CADPS: variants seen among roughly 807,000 people sequenced by gnomAD.
CADPS encodes calcium-dependent secretion activator 1.
In CADPS, 57 loss-of-function variants were observed where a neutral mutation model predicts 167.3. The observed-to-expected ratio is 0.34, with a 90% CI of 0.28 to 0.42. CADPS has a LOEUF of 0.42. CADPS is among the 20% of genes least tolerant of loss of function. The probability of loss-of-function intolerance (pLI) is 1.00; values close to 1 mark genes in which losing one functional copy is unlikely to be tolerated. For missense variants in CADPS, 1,414 were observed against 1,738.1 expected (o/e 0.81, Z 3.32); for synonymous variants, 676 against 635.3 (o/e 1.06, Z -0.96).
intron 14 of CADPS, 78 bp from the exon 15 acceptor site, chr3:62,516,721 G>A (rs1169546383): frequency 2.0e-6 from 2 of 1,006,310 alleles, no homozygotes; most frequent in Non-Finnish European, 3.1e-6. Flanking sequence ...GATTCCTATA[G>A]CAACTCTCTC....
intron 28 of CADPS, among the ~76,000 whole-genome samples, chr3:62,424,412 T>C (rs1246121007): frequency 6.6e-6 from 1 of 152,140 alleles, no homozygotes; most frequent in Non-Finnish European, 1.5e-5. Flanking sequence ...CTCGATCTCC[T>C]GACCTCGTGA....
chr3:62,574,794 T>G (rs2081969363), intron 8 of CADPS, among the ~76,000 whole-genome samples: 1 of 152,196 alleles, frequency 6.6e-6, no homozygotes, highest in Non-Finnish European at 1.5e-5. Flanking sequence ...TTGTGAGGAT[T>G]AAACGAGACA....
At chr3:62,427,591 A>G (rs1391945881) in intron 28 of CADPS, among the ~76,000 whole-genome samples, 1 of 152,068 alleles carries the variant, frequency 6.6e-6, no homozygotes, top group Admixed American at 6.5e-5. Flanking sequence ...CCCGAGTTGT[A>G]GCAACCAGGA....
intron 6 of CADPS, among the ~76,000 whole-genome samples, chr3:62,592,951 A>G (rs1276707894): frequency 6.6e-6 from 1 of 152,262 alleles, no homozygotes; most frequent in South Asian, 2.1e-4. Flanking sequence ...ATGCTCAGAA[A>G]GTTGCCATGG....
chr3:62,679,224 G>T (rs1476896013), intron 3 of CADPS, among the ~76,000 whole-genome samples: 2 of 152,046 alleles, frequency 1.3e-5, no homozygotes, highest in Non-Finnish European at 2.9e-5. Flanking sequence ...CCGCTGGAGT[G>T]GGGTACTTGT....
At chr3:62,501,972 G>A (rs2151333339) in intron 17 of CADPS, among the ~76,000 whole-genome samples, 1 of 152,300 alleles carries the variant, frequency 6.6e-6, no homozygotes, top group South Asian at 2.1e-4. Flanking sequence ...AAAACCCTTT[G>A]CAATTTTACT....
chr3:62,451,722 T>C (rs2058081450), intron 26 of CADPS, among the ~76,000 whole-genome samples: 1 of 152,178 alleles, frequency 6.6e-6, no homozygotes, highest in Non-Finnish European at 1.5e-5. Context: ...GTCCTTTGCC[T>C]AGATACTGCA....
Position 62,613,913 on chromosome 3 carries a change from A to C in CADPS, c.1326-21165T>G, listed in dbSNP as rs1442407564. Among the ~76,000 whole-genome samples the C allele has an allele frequency of 3.9e-5, 6 of 152,108 alleles. No individual in the cohort carries two copies. In the South Asian group the frequency reaches 1.0e-3, roughly 26 times the overall value. ...GGAGATGCAGAGAAAGGAAGAGGAG[A>C]GATCTCTCTCTATGCTTCTTTCCCT... is the stretch of plus-strand genomic sequence containing the variant. On this transcript the variant is annotated intron_variant, in intron 6 of 29. Transcript: ENST00000383710.
chr3:62,727,854 AC>A (rs1370798147), intron 3 of CADPS, among the ~76,000 whole-genome samples: 1 of 151,874 alleles, frequency 6.6e-6, no homozygotes, highest in Non-Finnish European at 1.5e-5. Context: ...CCAGAGTGAC[AC>A]TAAAATGAAA....
intron 3 of CADPS, among the ~76,000 whole-genome samples, chr3:62,719,064 G>A (rs1036385565): frequency 3.3e-5 from 5 of 152,204 alleles, no homozygotes; most frequent in Admixed American, 6.5e-5. Flanking sequence ...GATGCCGTCT[G>A]GGTTTATATA....
chr3:62,804,255 T>C (rs2093951742), intron 1 of CADPS, among the ~76,000 whole-genome samples: 1 of 152,112 alleles, frequency 6.6e-6, no homozygotes, highest in African/African-American at 2.4e-5. Flanking sequence ...ATGAAGAAAC[T>C]GGGGAGCTGG....
chr3:62,701,400 T>G (rs2081356094), intron 3 of CADPS, among the ~76,000 whole-genome samples: 1 of 152,026 alleles, frequency 6.6e-6, no homozygotes, highest in Admixed American at 6.6e-5. Flanking sequence ...GAGCACTGCT[T>G]CTGGACTATG....
In CADPS at chr3:62,875,036, G is replaced by A. The variant is rs767413788; in HGVS notation, c.-7C>T. 43 of 1,580,778 alleles carry A rather than the reference G, an allele frequency of 2.7e-5. No homozygotes were observed. The highest frequency in any genetic ancestry group is 3.7e-5 in the Non-Finnish European group (43 of 1,163,480). On this transcript the variant is annotated 5_prime_UTR_variant, in exon 1 of 30. Coordinates refer to ENST00000383710, the MANE Select transcript of CADPS (RefSeq NM_003716.4). Reference sequence around the variant, plus strand: ...TGGACGAAGGGTCCAGCATAGTGGCGCCTGGGGAGCGGGGTCTCTGGAGCC... The same window carrying A: ...TGGACGAAGGGTCCAGCATAGTGGCACCTGGGGAGCGGGGTCTCTGGAGCC...
rs539464958 is a variant in CADPS, at chr3:62,868,947, T to A, written c.441+5642A>T. 7.9e-5 allele frequency among the ~76,000 whole-genome samples: 12 copies of A among 152,216 alleles called. No individual in the cohort carries two copies. In the East Asian group the frequency reaches 2.3e-3, roughly 29 times the overall value. On this transcript the variant is annotated intron_variant, in intron 1 of 29. Transcript: ENST00000383710. ...TCCCAGAGTCTTGCCTACAATCAGTTGTTCATTAGTGGCAGGGTTTGAGCT... is the reference window on the plus strand; with the variant it reads ...TCCCAGAGTCTTGCCTACAATCAGTAGTTCATTAGTGGCAGGGTTTGAGCT...
At chr3:62,436,051 T>A (rs1292105467) in intron 28 of CADPS, among the ~76,000 whole-genome samples, 3 of 152,166 alleles carry the variant, frequency 2.0e-5, no homozygotes, top group Non-Finnish European at 4.4e-5. Flanking sequence ...TTTTACCACC[T>A]GTACTAGCCA....
chr3:62,599,674 TAC>T, intron 6 of CADPS, among the ~76,000 whole-genome samples: 1 of 53,796 alleles, frequency 1.9e-5, no homozygotes, highest in East Asian at 6.1e-4. Flanking sequence ...ATATTATATA[TAC>T]AATATTATAT....
intron 3 of CADPS, among the ~76,000 whole-genome samples, chr3:62,674,188 A>C (rs1179722253): frequency 6.6e-6 from 1 of 152,156 alleles, no homozygotes; most frequent in East Asian, 1.9e-4. Context: ...AGTAGTAAAA[A>C]ACATTCAGAT....
At chr3:62,791,987 C>T (rs115289934) in intron 1 of CADPS, among the ~76,000 whole-genome samples, 1 of 152,102 alleles carries the variant, frequency 6.6e-6, no homozygotes, top group Admixed American at 6.6e-5. Context: ...AGATTCACAT[C>T]CTTAAACCAC....
At chr3:62,571,078 T>C (rs2081203441) in intron 8 of CADPS, 140 bp from the exon 9 acceptor site, 3 of 663,392 alleles carry the variant, frequency 4.5e-6, no homozygotes, top group Admixed American at 2.6e-5. Flanking sequence ...TGGAGCTCTG[T>C]GGTTGAGCAT....
Sources: gnomAD v4.1 joint callset for allele counts (sites outside exome capture counted in the v4.1 genomes callset) on GRCh38, gnomAD v4.1.1 for gene constraint, MANE v1.5 for transcripts, NCBI Gene and HGNC (gene_info 2026-07-23, HGNC 2026-07-21) for gene names.